The following PDZD2 variants were observed in gnomAD, a reference collection of about 807,000 sequenced individuals.
PDZD2 encodes the protein PDZ domain containing 2.
PDZD2 carries 90 observed loss-of-function variants against 220.7 expected under a neutral mutation model. That is an observed-to-expected ratio of 0.41 (90% CI 0.34 to 0.49). The LOEUF is 0.49. PDZD2 is among the 20% of genes least tolerant of loss of function. The pLI, the probability that PDZD2 is intolerant of heterozygous loss-of-function variation, is 0.28. For missense variants in PDZD2, 3,174 were observed against 3,608.5 expected (o/e 0.88, Z 3.08); for synonymous variants, 1,375 against 1,450.5 (o/e 0.95, Z 1.18).
chr5:31,792,787 T>C (rs559123011), intron 1 of PDZD2, among the ~76,000 whole-genome samples: 40 of 152,156 alleles, frequency 2.6e-4, no homozygotes, highest in African/African-American at 9.6e-4. Context: ...AGCACCACTG[T>C]AGCAGTTAAA....
chr5:31,930,784 A>G (rs1321635910), intron 2 of PDZD2, among the ~76,000 whole-genome samples: 6 of 152,038 alleles, frequency 3.9e-5, no homozygotes, highest in African/African-American at 2.4e-5. Flanking sequence ...AAAACCCACT[A>G]TGCGACCAGA....
intron 6 of PDZD2, among the ~76,000 whole-genome samples, chr5:32,034,882 G>A (rs1273578729): frequency 6.6e-6 from 1 of 152,160 alleles, no homozygotes; most frequent in Non-Finnish European, 1.5e-5. Context: ...ATTTGGGGTT[G>A]GGAAAGACAT....
At chr5:31,687,799 G>A (rs1476259481) in intron 1 of PDZD2, among the ~76,000 whole-genome samples, 1 of 152,180 alleles carries the variant, frequency 6.6e-6, no homozygotes, top group Non-Finnish European at 1.5e-5. Flanking sequence ...AGAGCGCGCT[G>A]ATGTCTCTTC....
At chr5:31,691,236 C>T (rs13166427) in intron 1 of PDZD2, among the ~76,000 whole-genome samples, 51,729 of 148,210 alleles carry the variant, frequency 0.35, 9,422 homozygotes, top group East Asian at 0.51. Flanking sequence ...GCTCTTAAGG[C>T]GGCGCGTCTG....
chr5:31,837,266 C>T (rs965614514), intron 2 of PDZD2, among the ~76,000 whole-genome samples: 2 of 152,184 alleles, frequency 1.3e-5, no homozygotes, highest in African/African-American at 2.4e-5. Flanking sequence ...ACTTTGCTGA[C>T]GAGAAGCTCC....
At chr5:31,905,103 G>C (rs959503525) in intron 2 of PDZD2, among the ~76,000 whole-genome samples, 1 of 151,966 alleles carries the variant, frequency 6.6e-6, no homozygotes, top group African/African-American at 2.4e-5. Flanking sequence ...GGAGTAGCTG[G>C]GATTACAGGC....
At chr5:32,064,599 T>C (rs747106833) in intron 14 of PDZD2, among the ~76,000 whole-genome samples, 1 of 152,232 alleles carries the variant, frequency 6.6e-6, no homozygotes, top group Non-Finnish European at 1.5e-5. Flanking sequence ...TAAAAGTCTT[T>C]TTAAATTAGC....
intron 2 of PDZD2, among the ~76,000 whole-genome samples, chr5:31,976,395 A>C (rs1749767618): frequency 6.6e-6 from 1 of 152,182 alleles, no homozygotes; most frequent in Non-Finnish European, 1.5e-5. Context: ...GGGGAGGGAA[A>C]ATCCTGGGCA....
rs527871940 is a variant in PDZD2 at position 31,695,240 on chromosome 5, T to C, written c.-361+55803T>C. ...TGAATACTGTGTCTTCAGAGAAACA[T>C]TTTGGTCTGCCCGTTCCTGGGTGCC... On this transcript the variant is annotated intron_variant, in intron 1 of 24. Transcript: ENST00000438447. Among the ~76,000 whole-genome samples the C allele has an allele frequency of 6.6e-5, 10 of 152,308 alleles. No individual in the cohort carries two copies. In the East Asian group the frequency reaches 1.9e-3, roughly 29 times the overall value.
chr5:31,893,917 G>A (rs59068741), intron 2 of PDZD2, among the ~76,000 whole-genome samples: 18,356 of 151,490 alleles, frequency 0.12, 1,876 homozygotes, highest in East Asian at 0.46. Context: ...ATTTTGAGAC[G>A]GAGTTTCACT....
At chr5:31,923,444 CT>C in intron 2 of PDZD2, 1 of 1,108,982 alleles carries the variant, frequency 9.0e-7, no homozygotes, top group East Asian at 2.4e-5. Flanking sequence ...TCCACTTGGG[CT>C]TTATCCCTCT....
Position 32,090,566 on chromosome 5 carries a change from C to T in PDZD2, c.7118C>T (p.Ser2373Phe). Reference protein sequence around the residue: ...VSSKPPIGRRSSGSIVSGSLG... With the variant: ...VSSKPPIGRRFSGSIVSGSLG... Reference sequence around the variant, plus strand: ...TCCAAGCCTCCCATTGGGAGGCGGTCTTCCGGCAGCATTGTTTCCGGGAGC... The same window carrying T: ...TCCAAGCCTCCCATTGGGAGGCGGTTTTCCGGCAGCATTGTTTCCGGGAGC... The change falls in exon 20 of 25, where the codon TCT becomes TTT. Residue 2373 changes from serine (S) to phenylalanine (F), a missense_variant. Ser to Phe is a radical substitution (Grantham distance 155, BLOSUM62 -2). Around this residue, in one of 4 missense-constraint regions of PDZD2, gnomAD observed 631 missense variants for 789.9 expected, o/e 0.80. Transcript: ENST00000438447. The surrounding 1 kb of genome is among the most constrained non-coding windows in gnomAD (Gnocchi z 4.3). The T allele has an allele frequency of 6.2e-7, 1 of 1,613,974 alleles. No homozygotes were observed. Among genetic ancestry groups the T allele is most frequent in the Non-Finnish European group, 8.5e-7 (1 of 1,179,982 alleles).
chr5:32,073,970 C>T lies in PDZD2; in HGVS notation c.2864C>T (p.Pro955Leu). ...GGAAGCCCACAGGCCCTCCGAAACC[C>T]TCTCCTCCGCCAGAGGAAGGTAGGC... ...LPGSPQALRN[P>L]LLRQRKVGCY... Residue 955 changes from proline to leucine, a missense_variant, in exon 18 of 25, where the codon CCT becomes CTT. This residue lies in a region of PDZD2 where 1,861 missense variants were observed against 2,001.0 expected (regional missense o/e 0.93). Transcript: ENST00000438447. 6 of 1,614,208 alleles carry T rather than the reference C, an allele frequency of 3.7e-6. No homozygotes were observed. Among genetic ancestry groups the T allele is most frequent in the South Asian group, 1.1e-5 (1 of 91,080 alleles).
At chr5:31,810,344 C>G (rs1456595910) in intron 2 of PDZD2, among the ~76,000 whole-genome samples, 1 of 150,488 alleles carries the variant, frequency 6.6e-6, no homozygotes, top group Non-Finnish European at 1.5e-5. Context: ...CTCACTGCAA[C>G]CTCCGCCTCC....
At chr5:31,923,372 G>A (rs555028122) in intron 2 of PDZD2, 1 of 1,218,140 alleles carries the variant, frequency 8.2e-7, no homozygotes, top group Middle Eastern at 2.5e-4. Context: ...TCGCCATGGT[G>A]AAGCTGAGCA....
At chr5:31,686,198 T>C (rs959937240) in intron 1 of PDZD2, among the ~76,000 whole-genome samples, 31 of 151,620 alleles carry the variant, frequency 2.0e-4, no homozygotes, top group African/African-American at 7.5e-4. Context: ...TACTCTAGCC[T>C]GGGCGACAGA....
chr5:31,927,716 C>T (rs1744922176), intron 2 of PDZD2, among the ~76,000 whole-genome samples: 1 of 152,096 alleles, frequency 6.6e-6, no homozygotes, highest in Non-Finnish European at 1.5e-5. Context: ...CTCTCCTTGC[C>T]CGAAGTGACT....
chr5:31,967,225 C>G (rs1394928457), intron 2 of PDZD2, among the ~76,000 whole-genome samples: 1 of 152,090 alleles, frequency 6.6e-6, no homozygotes, highest in Non-Finnish European at 1.5e-5. Flanking sequence ...GGGAAGGGAA[C>G]TGGAGGGTAC....
chr5:31,857,016 T>G (rs946353048), intron 2 of PDZD2, among the ~76,000 whole-genome samples: 3 of 151,900 alleles, frequency 2.0e-5, no homozygotes, highest in Admixed American at 1.3e-4. Flanking sequence ...CAACTTCCAG[T>G]TCTTTGTCTT....
Sources: gnomAD v4.1 joint callset for allele counts (sites outside exome capture counted in the v4.1 genomes callset) on GRCh38, gnomAD v4.1.1 for gene constraint, gnomAD v4.1.1 regional missense constraint, Gnocchi (gnomAD v3.1) non-coding constraint, MANE v1.5 for transcripts, NCBI Gene and HGNC (gene_info 2026-07-23, HGNC 2026-07-21) for gene names.